Variants in TBCK observed in about 807,000 individuals in gnomAD.
TBCK encodes TBC domain-containing protein kinase-like protein.
TBCK carries 99 observed loss-of-function variants against 113.4 expected under a neutral mutation model. The observed-to-expected ratio is 0.87, with a 90% CI of 0.74 to 1.03. The LOEUF is 1.03. TBCK is among the 50% of genes least tolerant of loss of function. The pLI, the probability that TBCK is intolerant of heterozygous loss-of-function variation, is 0.00. For missense variants in TBCK, 1,045 were observed against 1,061.3 expected (o/e 0.98, Z 0.21); for synonymous variants, 369 against 370.8 (o/e 1.00, Z 0.05).
chr4:106,063,511 T>A (rs1047203729), intron 25 of TBCK, among the ~76,000 whole-genome samples: 3 of 151,956 alleles, frequency 2.0e-5, no homozygotes, highest in Admixed American at 2.0e-4. Context: ...GAAGTTATTT[T>A]GACTCTTTTG....
At chr4:106,115,868 T>A (rs1430815582) in intron 24 of TBCK, among the ~76,000 whole-genome samples, 2 of 152,236 alleles carry the variant, frequency 1.3e-5, no homozygotes, top group Non-Finnish European at 2.9e-5. Context: ...AAAACAGGTG[T>A]ATACTTACTC....
intron 25 of TBCK, among the ~76,000 whole-genome samples, chr4:106,055,110 G>A (rs1316501540): frequency 3.3e-5 from 5 of 151,622 alleles, no homozygotes; most frequent in African/African-American, 1.2e-4. Flanking sequence ...GAAGTAGATA[G>A]AAGAGTTTAG....
At chr4:106,250,322 T>C in intron 7 of TBCK, 96 bp downstream of exon 7, 1 of 794,082 alleles carries the variant, frequency 1.3e-6, no homozygotes, top group Non-Finnish European at 2.1e-6. Context: ...TATTTCAGTG[T>C]ACTCACTATT....
At position 106,044,558 on chromosome 4, in the gene TBCK, G is replaced by A. The variant is rs183023443; in HGVS notation, c.*2012C>T. The A allele has an allele frequency of 6.6e-6, 1 of 152,170 alleles. No individual in the cohort carries two copies. The highest frequency in any genetic ancestry group is 2.4e-5 in the African/African-American group (1 of 41,544). The allele number at this position is 152,170 out of a possible 1,614,324, so 9.4% of individuals were successfully genotyped here. On this transcript the variant is annotated 3_prime_UTR_variant, in exon 26 of 26. Coordinates refer to ENST00000394708, the MANE Select transcript of TBCK (RefSeq NM_001163435.3). ...AAATTGAATAAAACAAACAAAACAG[G>A]AGGGGTCCTGGGACAACTGGATACT...
intron 22 of TBCK, among the ~76,000 whole-genome samples, chr4:106,178,125 G>A (rs1405401872): frequency 1.3e-5 from 2 of 151,862 alleles, no homozygotes; most frequent in Non-Finnish European, 2.9e-5. Flanking sequence ...TTTTCAGATT[G>A]TTCACTGTTG....
intron 25 of TBCK, among the ~76,000 whole-genome samples, chr4:106,094,083 G>A (rs1349961354): frequency 1.3e-5 from 2 of 152,118 alleles, no homozygotes; most frequent in African/African-American, 2.4e-5. Flanking sequence ...AAAAATTATA[G>A]TGAAGGCATC....
intron 22 of TBCK, among the ~76,000 whole-genome samples, chr4:106,176,002 C>T (rs1487813312): frequency 1.3e-5 from 2 of 151,960 alleles, no homozygotes; most frequent in Non-Finnish European, 2.9e-5. Context: ...ATGAAGATGG[C>T]TTGGTTTTTC....
At chr4:106,299,190 T>A (rs1174896732) in intron 2 of TBCK, among the ~76,000 whole-genome samples, 1 of 152,116 alleles carries the variant, frequency 6.6e-6, no homozygotes, top group Non-Finnish European at 1.5e-5. Context: ...AATATAAAGA[T>A]AACTGTTAGA....
chr4:106,128,193 A>AT (rs757970906), intron 23 of TBCK, among the ~76,000 whole-genome samples: 12 of 152,236 alleles, frequency 7.9e-5, no homozygotes, highest in Non-Finnish European at 1.5e-5. Flanking sequence ...AATCAACACT[A>AT]TAAGTTACAT....
chr4:106,129,524 T>C (rs896931344), intron 23 of TBCK, among the ~76,000 whole-genome samples: 1 of 152,134 alleles, frequency 6.6e-6, no homozygotes, highest in African/African-American at 2.4e-5. Flanking sequence ...TTTACGTGTA[T>C]AGCAAAGATG....
chr4:106,275,504 A>G (rs757843168), intron 3 of TBCK, among the ~76,000 whole-genome samples: 7 of 152,204 alleles, frequency 4.6e-5, no homozygotes, highest in African/African-American at 7.2e-5. Context: ...CAACAATGAT[A>G]TGGTTGTTTA....
chr4:106,301,499 T>C (rs1246633047), intron 2 of TBCK, among the ~76,000 whole-genome samples: 1 of 152,186 alleles, frequency 6.6e-6, no homozygotes, highest in Non-Finnish European at 1.5e-5. Context: ...CTCCTAAAGA[T>C]ATTTTTCTCC....
chr4:106,180,922 G>A (rs1752288836), intron 22 of TBCK, among the ~76,000 whole-genome samples: 1 of 152,082 alleles, frequency 6.6e-6, no homozygotes, highest in Non-Finnish European at 1.5e-5. Context: ...GGGTCAAATG[G>A]TATTTCTAGT....
chr4:106,058,022 T>C (rs149385211), intron 25 of TBCK, among the ~76,000 whole-genome samples: 2 of 151,858 alleles, frequency 1.3e-5, no homozygotes, highest in East Asian at 3.9e-4. Flanking sequence ...TGTGCAAAGG[T>C]GTAGTCTACT....
chr4:106,114,328 A>C (rs1743231365), intron 24 of TBCK, among the ~76,000 whole-genome samples: 1 of 152,206 alleles, frequency 6.6e-6, no homozygotes, highest in Non-Finnish European at 1.5e-5. Context: ...TTGAGAGCAA[A>C]GGTTAGATAG....
chr4:106,235,480 A>T, intron 14 of TBCK, 113 bp from the exon 15 acceptor site: 1 of 546,490 alleles, frequency 1.8e-6, no homozygotes, highest in Non-Finnish European at 3.0e-6. Context: ...AATAAATTTC[A>T]AAGTATGTGC....
intron 3 of TBCK, among the ~76,000 whole-genome samples, chr4:106,292,052 T>A (rs535996937): frequency 1.3e-5 from 2 of 152,224 alleles, no homozygotes; most frequent in Non-Finnish European, 2.9e-5. Context: ...TTTGAATGAT[T>A]AAATATCAGA....
intron 24 of TBCK, among the ~76,000 whole-genome samples, chr4:106,114,357 T>C (rs1216278724): frequency 6.6e-6 from 1 of 152,242 alleles, no homozygotes; most frequent in Non-Finnish European, 1.5e-5. Flanking sequence ...TATAAAGGAA[T>C]TGATCTAGGT....
chr4:106,157,189 C>T (rs186178393), intron 23 of TBCK, among the ~76,000 whole-genome samples: 2 of 152,200 alleles, frequency 1.3e-5, no homozygotes, highest in East Asian at 1.9e-4. Flanking sequence ...GGTATTCTAT[C>T]CTACTGTGGA....
Sources: allele counts gnomAD v4.1 joint callset (sites outside exome capture counted in the v4.1 genomes callset), GRCh38; gene constraint gnomAD v4.1.1; transcripts MANE v1.5; gene names NCBI Gene and HGNC (gene_info 2026-07-23, HGNC 2026-07-21).